Variants in PDCD7 observed in about 807,000 individuals in gnomAD.
The protein encoded by PDCD7 is programmed cell death protein 7.
A neutral mutation model predicts 42.1 loss-of-function variants in PDCD7; 40 were observed. The ratio of observed to expected loss-of-function variants is 0.95; its 90% CI spans 0.74 to 1.24. The LOEUF is 1.24. Ranked by LOEUF, PDCD7 falls within the 50% of genes most tolerant of loss-of-function variation. The probability of loss-of-function intolerance (pLI) is 0.00; values close to 1 mark genes in which losing one functional copy is unlikely to be tolerated. For synonymous variants in PDCD7, 299 were observed against 303.3 expected, an observed-to-expected ratio of 0.99 and a Z score of 0.15; for missense variants, 644 against 662.8, an observed-to-expected ratio of 0.97 and a Z score of 0.31.
intron 2 of PDCD7, among the ~76,000 whole-genome samples, chr15:65,127,619 G>A (rs1015828981): frequency 2.6e-5 from 4 of 152,200 alleles, no homozygotes; most frequent in Admixed American, 2.6e-4. Flanking sequence ...ACATCTTGAA[G>A]AGAGAAGTTA....
In PDCD7 at chr15:65,118,476, A is replaced by C; in HGVS notation, c.*241T>G. The C allele has an allele frequency of 1.0e-5, 4 of 383,636 alleles. No homozygotes were observed. The East Asian group carries it at 1.7e-4, about 17-fold the overall frequency. The allele number at this position is 383,636 out of a possible 1,614,324, so 23.8% of individuals were successfully genotyped here. A position where few individuals can be genotyped will look rare whatever the true frequency, so the allele number is the denominator to read the frequency against. ...GAGGCAAATTTGGTGAACCAAGGTC[A>C]TTCACTGCCTGTGGTAAAAACCTCA... On this transcript the variant is annotated 3_prime_UTR_variant, in exon 5 of 5. Transcript: ENST00000204549.
chr15:65,131,136 G>C (rs1460662595), intron 1 of PDCD7, among the ~76,000 whole-genome samples: 1 of 152,144 alleles, frequency 6.6e-6, no homozygotes, highest in African/African-American at 2.4e-5. Flanking sequence ...CCCATTGCTT[G>C]CATTACCACC....
Position 65,133,364 on chromosome 15 carries a change from G to T in PDCD7, c.418C>A (p.Arg140Ser). 2 of 1,228,880 alleles carry T rather than the reference G, an allele frequency of 1.6e-6. No homozygotes were observed. The highest frequency in any genetic ancestry group is 6.7e-5 in the East Asian group (2 of 29,730). The allele number at this position is 1,228,880 out of a possible 1,614,324, so 76.1% of individuals were successfully genotyped here. ...ADVLGDAALQ[R>S]LRDRQWLEAV... ...TCCAGCCACTGCCGGTCGCGCAGGC[G>T]TTGGAGGGCCGCATCCCCGAGCACG... Residue 140 changes from arginine to serine, a missense_variant, in exon 1 of 5, where the codon CGC becomes AGC. Coordinates refer to ENST00000204549, the MANE Select transcript of PDCD7 (RefSeq NM_005707.2).
At chr15:65,132,678 C>G (rs1421990884) in intron 1 of PDCD7, among the ~76,000 whole-genome samples, 1 of 152,194 alleles carries the variant, frequency 6.6e-6, no homozygotes, top group Non-Finnish European at 1.5e-5. Flanking sequence ...GCAGTGCCAC[C>G]GTGTAATCCT....
intron 1 of PDCD7, among the ~76,000 whole-genome samples, chr15:65,130,668 G>A (rs1444022722): frequency 6.6e-6 from 1 of 152,006 alleles, no homozygotes; most frequent in African/African-American, 2.4e-5. Flanking sequence ...CTTCACCTGG[G>A]TGACTTTTCC....
intron 2 of PDCD7, among the ~76,000 whole-genome samples, chr15:65,127,949 A>G (rs1005710304): frequency 6.6e-6 from 1 of 152,226 alleles, no homozygotes; most frequent in Non-Finnish European, 1.5e-5. Context: ...AAATGCCCTG[A>G]GAGTACCACA....
At chr15:65,130,291 G>T (rs2087529679) in intron 1 of PDCD7, among the ~76,000 whole-genome samples, 1 of 150,738 alleles carries the variant, frequency 6.6e-6, no homozygotes, top group Non-Finnish European at 1.5e-5. Flanking sequence ...CAATTAGCTG[G>T]GTTTACAGGC....
In PDCD7 at chr15:65,132,914, GCTT is replaced by G; in HGVS notation, c.865_867del (p.Lys289del). 3.7e-6 allele frequency: 6 copies of G among 1,603,130 alleles called. No individual in the cohort carries two copies. Among genetic ancestry groups the G allele is most frequent in the Admixed American group, 1.7e-5 (1 of 59,994 alleles). On this transcript the variant is annotated inframe_deletion, in exon 1 of 5. Transcript: ENST00000204549. ...CCATGAGCGGCCGCTGCTCTCACCC[GCTT>G]CTTCTCCTCCACCTCCTGCACACAC...
intron 2 of PDCD7, among the ~76,000 whole-genome samples, chr15:65,122,142 CTGGCCAACA>C (rs1314662740): frequency 2.0e-5 from 3 of 152,140 alleles, no homozygotes; most frequent in Non-Finnish European, 4.4e-5. Flanking sequence ...CAAGACCAGC[CTGGCCAACA>C]TGGTGAAACC....
chr15:65,119,720 G>A lies in PDCD7; in HGVS notation c.1244C>T (p.Pro415Leu), dbSNP rs746673068. Residue 415 changes from proline to leucine, a missense_variant and splice_region_variant, in exon 3 of 5, where the codon CCA becomes CTA. Physicochemically the swap from Pro to Leu is moderately conservative, Grantham distance 98. Transcript: ENST00000204549. ...CCACTGGTTATAGAGCAACATACCTGGATCCCCAAACAACTTGGACTCAAT... is the reference window on the plus strand; with the variant it reads ...CCACTGGTTATAGAGCAACATACCTAGATCCCCAAACAACTTGGACTCAAT... ...REIESKLFGD[P>L]DEFPLAHLLE... 1.9e-6 allele frequency: 3 copies of A among 1,609,672 alleles called. No individual in the cohort carries two copies. Among genetic ancestry groups the A allele is most frequent in the Middle Eastern group, 3.3e-4 (2 of 6,040 alleles).
intron 1 of PDCD7, among the ~76,000 whole-genome samples, chr15:65,132,540 G>A (rs1280911517): frequency 6.6e-6 from 1 of 152,100 alleles, no homozygotes; most frequent in Non-Finnish European, 1.5e-5. Context: ...GTGGGCCACC[G>A]CGCCCGGCCT....
chr15:65,129,737 C>T lies in PDCD7; in HGVS notation c.871-567G>A, dbSNP rs149268666. 3.9e-5 allele frequency among the ~76,000 whole-genome samples: 6 copies of T among 152,150 alleles called. No homozygotes were observed. In the East Asian group the frequency reaches 1.2e-3, roughly 29 times the overall value. On this transcript the variant is annotated intron_variant, in intron 1 of 4. Coordinates refer to ENST00000204549, the MANE Select transcript of PDCD7 (RefSeq NM_005707.2). ...ATAACCCCAGTTCCTCAAGCCACTC[C>T]TCATAAGACTCTGTCACCAATATCC...
Position 65,133,238 on chromosome 15 carries a change from G to A in PDCD7, c.544C>T (p.Leu182=), listed in dbSNP as rs1595930225. Residue 182 remains leucine (L), a synonymous_variant, in exon 1 of 5, where the codon CTG becomes TTG. Coordinates refer to ENST00000204549, the MANE Select transcript of PDCD7 (RefSeq NM_005707.2). The stretch of plus-strand genomic sequence containing the variant: ...CCGCGCAGCCGCCGCACCAGGCGCA[G>A]AGCCCGGAGCAATCGCGCGCGCACT... ...GEVRARLLRA[L]RLVRRLRGLS... 1 of 1,364,014 alleles carries A rather than the reference G, an allele frequency of 7.3e-7. No homozygotes were observed. The highest frequency in any genetic ancestry group is 9.4e-7 in the Non-Finnish European group (1 of 1,067,284). The allele number at this position is 1,364,014 out of a possible 1,614,324, so 84.5% of individuals were successfully genotyped here.
Position 65,132,610 on chromosome 15 carries a change from C to G in PDCD7, c.870+302G>C, listed in dbSNP as rs549862849. Among the ~76,000 whole-genome samples, 10 of 152,300 alleles carry G rather than the reference C, an allele frequency of 6.6e-5. No individual in the cohort carries two copies. In the South Asian group the frequency reaches 1.7e-3, roughly 25 times the overall value. On this transcript the variant is annotated intron_variant, in intron 1 of 4. Coordinates refer to ENST00000204549, the MANE Select transcript of PDCD7 (RefSeq NM_005707.2). The stretch of plus-strand genomic sequence containing the variant: ...CAAGACACAAGGAACTAGACACTTA[C>G]TGGTTTTGAGAGTAAGTGGACAATG...
rs1184223210 is a variant in PDCD7, at chr15:65,118,043, G to GA, written c.*673dup. 5 of 152,040 alleles carry GA rather than the reference G, an allele frequency of 3.3e-5. No individual in the cohort carries two copies. In the South Asian group the frequency reaches 8.3e-4, roughly 25 times the overall value. The allele number at this position is 152,040 out of a possible 1,614,324, so 9.4% of individuals were successfully genotyped here. ...CTTTCATTAGGATCCTTCTAACATG[G>GA]AAAAAATACAGCCATTGTCCATTAA... On this transcript the variant is annotated 3_prime_UTR_variant, in exon 5 of 5. Coordinates refer to ENST00000204549, the MANE Select transcript of PDCD7 (RefSeq NM_005707.2).
At chr15:65,132,318 C>G (rs2087546905) in intron 1 of PDCD7, among the ~76,000 whole-genome samples, 1 of 149,916 alleles carries the variant, frequency 6.7e-6, no homozygotes, top group Non-Finnish European at 1.5e-5. Context: ...GAGTCTTGCT[C>G]TGTCGCCCAG....
At chr15:65,124,479 A>G (rs1031348281) in intron 2 of PDCD7, among the ~76,000 whole-genome samples, 1 of 151,696 alleles carries the variant, frequency 6.6e-6, no homozygotes, top group Non-Finnish European at 1.5e-5. Context: ...CACTTCTCAC[A>G]CAGTCTTCCT....
chr15:65,130,505 C>T (rs1325905027), intron 1 of PDCD7, among the ~76,000 whole-genome samples: 1 of 152,150 alleles, frequency 6.6e-6, no homozygotes, highest in Non-Finnish European at 1.5e-5. Flanking sequence ...AAAAAGTTCA[C>T]CATGGGTGGT....
intron 2 of PDCD7, 65 bp downstream of exon 2, chr15:65,128,967 G>C: frequency 6.5e-7 from 1 of 1,547,710 alleles, no homozygotes; most frequent in Non-Finnish European, 8.8e-7. Context: ...ATAATATTTG[G>C]GGTGGGAGGA....
Sources: gnomAD v4.1 joint callset for allele counts (sites outside exome capture counted in the v4.1 genomes callset) on GRCh38, gnomAD v4.1.1 for gene constraint, MANE v1.5 for transcripts, NCBI Gene and HGNC (gene_info 2026-07-23, HGNC 2026-07-21) for gene names.